The following ZFYVE21 variants were observed in gnomAD, a reference collection of about 807,000 sequenced individuals.
The protein encoded by ZFYVE21 is zinc finger FYVE-type containing 21, also known as zinc finger FYVE domain-containing protein 21.
A neutral mutation model predicts 29.5 loss-of-function variants in ZFYVE21; 21 were observed. The observed-to-expected ratio is 0.71, with a 90% CI of 0.50 to 1.02. The LOEUF is 1.02. Ranked by LOEUF, ZFYVE21 falls within the 50% of genes least tolerant of loss-of-function variation. The pLI, the probability that ZFYVE21 is intolerant of heterozygous loss-of-function variation, is 0.00. For synonymous variants in ZFYVE21, 151 were observed against 133.8 expected (o/e 1.13, Z -0.89); for missense variants, 326 against 335.4 (o/e 0.97, Z 0.22).
chr14:103,732,377 G>A (rs1295973764), intron 5 of ZFYVE21: 3 of 394,418 alleles, frequency 7.6e-6, no homozygotes, highest in Non-Finnish European at 1.3e-5. Flanking sequence ...TGTTTGTCCC[G>A]GGCCCTGGGG....
At chr14:103,730,828 G>A in intron 5 of ZFYVE21, 1 of 152,638 alleles carries the variant, frequency 6.6e-6, no homozygotes, top group Non-Finnish European at 1.5e-5. Context: ...GGAGGCGGCT[G>A]CAGAAGACAG....
Position 103,716,113 on chromosome 14 carries a change from T to G in ZFYVE21, c.138+134T>G. On this transcript the variant is annotated intron_variant, in intron 1 of 6. Coordinates refer to ENST00000311141, the MANE Select transcript of ZFYVE21 (RefSeq NM_024071.4). This position sits in a 1 kb window ranked among gnomAD's most constrained non-coding sequence, Gnocchi z 4.8. ...TTCCCCAGCCGGCCCCCGCCCCCGC[T>G]CTCTCCCAGGTTGGCCGCGTCCCCG... 1.1e-6 allele frequency: 1 copy of G among 921,276 alleles called. No homozygotes were observed. Among genetic ancestry groups the G allele is most frequent in the Non-Finnish European group, 1.4e-6 (1 of 737,828 alleles). 57.1% of individuals were successfully genotyped at this position (921,276 alleles called of 1,614,324 possible). A position where few individuals can be genotyped will look rare whatever the true frequency, so the allele number is the denominator to read the frequency against.
rs1272096778 is a variant in ZFYVE21, at chr14:103,716,318, T to C, written c.138+339T>C. Reference sequence around the variant, plus strand: ...TGCCCGAGGCCGGTTCGTGCTGGGCTAGCGCGTGTGGACTGCGTCCCGAGA... The same window carrying C: ...TGCCCGAGGCCGGTTCGTGCTGGGCCAGCGCGTGTGGACTGCGTCCCGAGA... On this transcript the variant is annotated intron_variant, in intron 1 of 6. Coordinates refer to ENST00000311141, the MANE Select transcript of ZFYVE21 (RefSeq NM_024071.4). This position sits in a 1 kb window ranked among gnomAD's most constrained non-coding sequence, Gnocchi z 4.8. Among the ~76,000 whole-genome samples, 2 of 152,148 alleles carry C rather than the reference T, an allele frequency of 1.3e-5. No homozygotes were observed. The highest frequency in any genetic ancestry group is 1.3e-4 in the Admixed American group (2 of 15,290).
At position 103,726,837 on chromosome 14, in the gene ZFYVE21, A is replaced by G. The variant is rs778542986; in HGVS notation, c.184A>G (p.Arg62Gly). The change falls in exon 2 of 7, where the codon AGA (arginine) becomes GGA (glycine). Residue 62 changes from arginine (R) to glycine (G), a missense_variant. By Grantham distance (125) the Arg-to-Gly change is moderately radical (BLOSUM62 -2). Transcript: ENST00000311141. ...TGACGCCAAGTTTGACTTTCTCACC[A>G]GAAAGGTGAGCTGAGGCCGCTGAGT... ...QCDAKFDFLT[R>G]KHHCRRCGKC... 2 of 1,613,836 alleles carry G rather than the reference A, an allele frequency of 1.2e-6. No individual in the cohort carries two copies. The highest frequency in any genetic ancestry group is 1.7e-6 in the Non-Finnish European group (2 of 1,179,948).
intron 5 of ZFYVE21, chr14:103,729,463 G>A (rs1036761235): frequency 7.3e-5 from 41 of 562,968 alleles, no homozygotes; most frequent in South Asian, 5.4e-4. Flanking sequence ...CGTATCATTC[G>A]GTTTATTGTT....
At chr14:103,720,738 G>T (rs934229462) in intron 1 of ZFYVE21, among the ~76,000 whole-genome samples, 2 of 152,182 alleles carry the variant, frequency 1.3e-5, no homozygotes, top group Non-Finnish European at 2.9e-5. Context: ...GCATTGGAGT[G>T]GGGGAGCGGG....
At chr14:103,730,533 C>T (rs1595693008) in intron 5 of ZFYVE21, 2 of 152,800 alleles carry the variant, frequency 1.3e-5, no homozygotes, top group East Asian at 1.9e-4. Flanking sequence ...ACACAGCCTC[C>T]CGGACTGCTC....
chr14:103,726,976 G>A (rs1370877664), intron 2 of ZFYVE21, 134 bp downstream of exon 2: 16 of 746,126 alleles, frequency 2.1e-5, no homozygotes, highest in East Asian at 6.3e-5. Context: ...ACGGAGTTTC[G>A]CTCTTGTCGC....
chr14:103,728,216 C>T (rs1387699985), intron 3 of ZFYVE21: 3 of 319,708 alleles, frequency 9.4e-6, no homozygotes, highest in East Asian at 7.6e-5. Flanking sequence ...CCGGCGCCGG[C>T]GCTCGGGCGT....
chr14:103,716,066 C>A lies in ZFYVE21; in HGVS notation c.138+87C>A. On this transcript the variant is annotated intron_variant, in intron 1 of 6. Coordinates refer to ENST00000311141, the MANE Select transcript of ZFYVE21 (RefSeq NM_024071.4). The surrounding 1 kb of genome is among the most constrained non-coding windows in gnomAD (Gnocchi z 4.8). ...CGGGCTTCCAGGCTCCCGCGACGAC[C>A]CCTCCGCCTCCGGGCGGCCCCTTCC... 8.8e-7 allele frequency: 1 copy of A among 1,133,142 alleles called. No individual in the cohort carries two copies. The highest frequency in any genetic ancestry group is 1.1e-6 in the Non-Finnish European group (1 of 919,508). 70.2% of individuals were successfully genotyped at this position (1,133,142 alleles called of 1,614,324 possible).
At chr14:103,723,026 C>CT (rs1490627890) in intron 1 of ZFYVE21, among the ~76,000 whole-genome samples, 1 of 152,214 alleles carries the variant, frequency 6.6e-6, no homozygotes, top group African/African-American at 2.4e-5. Context: ...AAGCAGTCCT[C>CT]TTTCACCACC....
intron 1 of ZFYVE21, among the ~76,000 whole-genome samples, chr14:103,723,174 A>G (rs2083888550): frequency 6.6e-6 from 1 of 152,230 alleles, no homozygotes; most frequent in Non-Finnish European, 1.5e-5. Flanking sequence ...GCTCAGAGTT[A>G]AAACCCCCGT....
Position 103,726,950 on chromosome 14 carries a change from T to TTTTTTTTTTTG in ZFYVE21, c.189+118_189+119insGTTTTTTTTTT. ...GGACGGATGTCATCTTATGGCTCGT[T>TTTTTTTTTTTG]TTTTTTTTTTTTGAGACGGAGTTTC... is the stretch of plus-strand genomic sequence containing the variant. On this transcript the variant is annotated intron_variant, in intron 2 of 6. Transcript: ENST00000311141. 2.3e-4 allele frequency: 227 copies of TTTTTTTTTTTG among 967,608 alleles called. 1 individual carries two copies. The highest frequency in any genetic ancestry group is 4.7e-4 in the East Asian group (16 of 33,818). 59.9% of individuals were successfully genotyped at this position (967,608 alleles called of 1,614,324 possible). A position where few individuals can be genotyped will look rare whatever the true frequency, so the allele number is the denominator to read the frequency against.
At position 103,728,067 on chromosome 14, in the gene ZFYVE21, G is replaced by A. The variant is rs1419652446; in HGVS notation, c.358+153G>A. On this transcript the variant is annotated intron_variant, in intron 3 of 6. Coordinates refer to ENST00000311141, the MANE Select transcript of ZFYVE21 (RefSeq NM_024071.4). ...CGTTTTCTTCTGGATTCGTTTAGAA[G>A]CGGTTATAGAGCCTTCCCTTCTTTT... is the stretch of plus-strand genomic sequence containing the variant. The A allele has an allele frequency of 5.9e-6, 5 of 842,746 alleles. No individual in the cohort carries two copies. The East Asian group carries it at 1.4e-4, about 24-fold the overall frequency. 52.2% of individuals were successfully genotyped at this position (842,746 alleles called of 1,614,324 possible). A position where few individuals can be genotyped will look rare whatever the true frequency, so the allele number is the denominator to read the frequency against.
At chr14:103,732,348 G>GTC (rs2083988477) in intron 5 of ZFYVE21, 4 of 336,364 alleles carry the variant, frequency 1.2e-5, no homozygotes, top group African/African-American at 8.2e-5. Context: ...AAGGCCTCTC[G>GTC]TGGTGATGTG....
chr14:103,716,029 G>T lies in ZFYVE21; in HGVS notation c.138+50G>T, dbSNP rs2083802400. On this transcript the variant is annotated intron_variant, in intron 1 of 6. Transcript: ENST00000311141. This position sits in a 1 kb window ranked among gnomAD's most constrained non-coding sequence, Gnocchi z 4.8. ...CGCCTCCGACCCGCCCCGCCGCCCC[G>T]GCCCGGCCCCGCGGGCTTCCAGGCT... The T allele has an allele frequency of 1.7e-6, 2 of 1,183,548 alleles. No homozygotes were observed. Among genetic ancestry groups the T allele is most frequent in the African/African-American group, 3.2e-5 (2 of 61,888 alleles). The allele number at this position is 1,183,548 out of a possible 1,614,324, so 73.3% of individuals were successfully genotyped here.
chr14:103,726,693 A>C (rs2083927778), intron 1 of ZFYVE21, 99 bp from the exon 2 acceptor site: 55 of 1,438,206 alleles, frequency 3.8e-5, no homozygotes, highest in Non-Finnish European at 5.1e-5. Context: ...GTGCGTGGGG[A>C]GGTGGCAGGG....
At chr14:103,721,104 G>A (rs1287725567) in intron 1 of ZFYVE21, among the ~76,000 whole-genome samples, 1 of 152,126 alleles carries the variant, frequency 6.6e-6, no homozygotes, top group Non-Finnish European at 1.5e-5. Context: ...GGGATTACAG[G>A]TGTGGCCACC....
chr14:103,730,056 G>C, intron 5 of ZFYVE21: 1 of 610,232 alleles, frequency 1.6e-6, no homozygotes, highest in Non-Finnish European at 2.8e-6. Context: ...TACTTTCTCA[G>C]TTCTGTCTCA....
Sources: gnomAD v4.1 joint callset for allele counts (sites outside exome capture counted in the v4.1 genomes callset) on GRCh38, gnomAD v4.1.1 for gene constraint, Gnocchi (gnomAD v3.1) non-coding constraint, MANE v1.5 for transcripts, NCBI Gene and HGNC (gene_info 2026-07-23, HGNC 2026-07-21) for gene names.